Variants in PKD1L1 observed in about 807,000 individuals in gnomAD.
PKD1L1 encodes the protein polycystin 1 like 1, transient receptor potential channel interacting, also known as polycystin-1-like protein 1.
A neutral mutation model predicts 323.4 loss-of-function variants in PKD1L1; 236 were observed. The ratio of observed to expected loss-of-function variants is 0.73; its 90% CI spans 0.66 to 0.81. The LOEUF (loss-of-function observed/expected upper bound fraction) is 0.81. PKD1L1 is among the 40% of genes least tolerant of loss of function. The probability of loss-of-function intolerance (pLI) is 0.00; values close to 1 mark genes in which losing one functional copy is unlikely to be tolerated. For missense variants in PKD1L1, 3,320 were observed against 3,508.0 expected (o/e 0.95, Z 1.35); for synonymous variants, 1,344 against 1,335.0 (o/e 1.01, Z -0.15).
intron 19 of PKD1L1, among the ~76,000 whole-genome samples, chr7:47,884,034 T>C (rs1461005267): frequency 6.6e-6 from 1 of 152,178 alleles, no homozygotes; most frequent in African/African-American, 2.4e-5. Flanking sequence ...GAACATAGCA[T>C]AAGCTGGCCA....
chr7:47,959,121 G>C, the PKD1L1 span, among the ~76,000 whole-genome samples: 1 of 152,246 alleles, frequency 6.6e-6, no homozygotes, highest in African/African-American at 2.4e-5. Context: ...GGTTCACTCA[G>C]TGCTCAATGG....
chr7:47,871,652 T>C (rs1329866761), intron 24 of PKD1L1, among the ~76,000 whole-genome samples: 3 of 152,042 alleles, frequency 2.0e-5, no homozygotes, highest in Non-Finnish European at 4.4e-5. Flanking sequence ...AACAAATTAA[T>C]GGACTAAGGG....
In PKD1L1 at chr7:47,854,941, CTG is replaced by C. The variant is rs780278874; in HGVS notation, c.4798_4799del (p.Gln1600AspfsTer4). The stretch of plus-strand genomic sequence containing the variant: ...CAGGTTTGGAAAATTCAATTTCTAT[CTG>C]TAGAGATTCCTGGGGGTTTTCGGAA... ...ELSENPQESL[Q>X]IEIEFSKPVT... is the part of the protein sequence containing the mutation. On this transcript the variant is annotated frameshift_variant, in exon 30 of 57. Coordinates refer to ENST00000289672, the MANE Select transcript of PKD1L1 (RefSeq NM_138295.5). LOFTEE classifies it high-confidence loss of function. The C allele has an allele frequency of 3.7e-5, 59 of 1,614,070 alleles. No individual in the cohort carries two copies. The highest frequency in any genetic ancestry group is 4.7e-5 in the Non-Finnish European group (56 of 1,179,992).
intron 15 of PKD1L1, 54 bp downstream of exon 15, chr7:47,893,824 T>G: frequency 6.4e-7 from 1 of 1,552,268 alleles, no homozygotes; most frequent in Non-Finnish European, 8.8e-7. Context: ...AGCCTGCATT[T>G]GCAGAATGCG....
the PKD1L1 span, among the ~76,000 whole-genome samples, chr7:47,960,838 T>C: frequency 6.7e-6 from 1 of 150,198 alleles, no homozygotes; most frequent in Non-Finnish European, 1.5e-5. Flanking sequence ...ATCACCTCAG[T>C]CACCTCATAC....
intron 8 of PKD1L1, among the ~76,000 whole-genome samples, chr7:47,912,888 G>A (rs894347212): frequency 4.0e-4 from 61 of 151,530 alleles, no homozygotes; most frequent in Non-Finnish European, 6.8e-4. Flanking sequence ...AATCAATGAC[G>A]GGGAAAAAAG....
At chr7:47,903,459 A>T (rs2128750818) in intron 12 of PKD1L1, among the ~76,000 whole-genome samples, 1 of 152,340 alleles carries the variant, frequency 6.6e-6, no homozygotes, top group Admixed American at 6.5e-5. Context: ...TCAATTGAGC[A>T]TGCACCAATC....
chr7:47,900,974 GT>G, intron 13 of PKD1L1, among the ~76,000 whole-genome samples: 1 of 152,062 alleles, frequency 6.6e-6, no homozygotes, highest in Admixed American at 6.5e-5. Flanking sequence ...TTAGACAAAA[GT>G]GGCTATCACC....
Position 47,855,875 on chromosome 7 carries a change from CAAAAAAAAAAAAAAA to C in PKD1L1, c.4591-625_4591-611del, listed in dbSNP as rs536157879. Among the ~76,000 whole-genome samples, 2 of 32,548 alleles carry C rather than the reference CAAAAAAAAAAAAAAA, an allele frequency of 6.1e-5. 1 individual carries two copies. The highest frequency in any genetic ancestry group is 9.1e-5 in the Non-Finnish European group (2 of 21,924). The allele number at this position is 32,548 out of a possible 152,430, so 21.4% of individuals were successfully genotyped here. A position where few individuals can be genotyped will look rare whatever the true frequency, so the allele number is the denominator to read the frequency against. On this transcript the variant is annotated intron_variant, in intron 28 of 56. Coordinates refer to ENST00000289672, the MANE Select transcript of PKD1L1 (RefSeq NM_138295.5). ...TGGGCGACAGAGCGAGACTCCGTCT[CAAAAAAAAAAAAAAA>C]AAAAAAAAAAGAAAAGTATATGCAA... is the stretch of plus-strand genomic sequence containing the variant.
chr7:47,928,345 G>A (rs1787693761), intron 7 of PKD1L1, among the ~76,000 whole-genome samples: 1 of 152,334 alleles, frequency 6.6e-6, no homozygotes, highest in Non-Finnish European at 1.5e-5. Context: ...CAGGCAGGCA[G>A]ATCACTTGAG....
intron 14 of PKD1L1, among the ~76,000 whole-genome samples, chr7:47,896,881 TCACCTTCACTAA>T (rs1224210772): frequency 6.6e-6 from 1 of 152,164 alleles, no homozygotes; most frequent in Non-Finnish European, 1.5e-5. Context: ...TAATGACTTC[TCACCTTCACTAA>T]CACTCTCCCA....
At chr7:47,899,879 C>T (rs1787044803) in intron 13 of PKD1L1, among the ~76,000 whole-genome samples, 1 of 147,822 alleles carries the variant, frequency 6.8e-6, no homozygotes, top group Non-Finnish European at 1.5e-5. Flanking sequence ...TGGTGTGAAC[C>T]CGGGAGGCGG....
At chr7:47,935,529 T>C (rs1347869673) in intron 4 of PKD1L1, among the ~76,000 whole-genome samples, 1 of 152,252 alleles carries the variant, frequency 6.6e-6, no homozygotes, top group Non-Finnish European at 1.5e-5. Context: ...TCCCCAATAC[T>C]GCTGTCAGCA....
chr7:47,842,285 C>T (rs1785577992), intron 34 of PKD1L1, among the ~76,000 whole-genome samples: 1 of 152,144 alleles, frequency 6.6e-6, no homozygotes, highest in Non-Finnish European at 1.5e-5. Context: ...CCCATCTATC[C>T]TACTGCACTG....
At chr7:47,934,132 TACTG>T (rs1409539752) in intron 4 of PKD1L1, among the ~76,000 whole-genome samples, 6 of 152,232 alleles carry the variant, frequency 3.9e-5, no homozygotes, top group African/African-American at 1.2e-4. Context: ...TGGTTTGCAA[TACTG>T]ACTGACTTAT....
chr7:47,839,983 G>A lies in PKD1L1; in HGVS notation c.5553-321C>T, dbSNP rs1214200710. The stretch of plus-strand genomic sequence containing the variant: ...AGTTAACCTTTTCTCTCTTAATGAA[G>A]ACATAATACTCCAAACCTATAAATA... On this transcript the variant is annotated intron_variant, in intron 35 of 56. Coordinates refer to ENST00000289672, the MANE Select transcript of PKD1L1 (RefSeq NM_138295.5). This position sits in a 1 kb window ranked among gnomAD's most constrained non-coding sequence, Gnocchi z 4.3. Among the ~76,000 whole-genome samples the A allele has an allele frequency of 6.6e-6, 1 of 152,150 alleles. No individual in the cohort carries two copies. Among genetic ancestry groups the A allele is most frequent in the Non-Finnish European group, 1.5e-5 (1 of 68,032 alleles).
intron 37 of PKD1L1, among the ~76,000 whole-genome samples, chr7:47,836,361 G>A (rs1032267637): frequency 4.6e-5 from 7 of 152,136 alleles, no homozygotes; most frequent in East Asian, 1.9e-4. Context: ...TGATGTTGTC[G>A]TAGTAAACAA....
At chr7:47,936,520 C>A (rs1268111855) in intron 4 of PKD1L1, among the ~76,000 whole-genome samples, 1 of 152,120 alleles carries the variant, frequency 6.6e-6, no homozygotes, top group Non-Finnish European at 1.5e-5. Context: ...ATGAAATAAC[C>A]AATTACCATC....
Position 47,843,083 on chromosome 7 carries a change from T to A in PKD1L1, c.5324A>T (p.Asp1775Val). ...GFLVAKSRQVDHHEKKKAGYI... is the reference protein window; with the variant it reads ...GFLVAKSRQVVHHEKKKAGYI... ...ACCAGCTTTCTTTTTTTCATGATGA[T>A]CTACTTGTCTACTTTTAGCGACCAA... The change falls in exon 34 of 57, where the codon GAT becomes GTT. Residue 1775 changes from aspartate (D) to valine (V), a missense_variant. Asp to Val is a radical substitution (Grantham distance 152). Coordinates refer to ENST00000289672, the MANE Select transcript of PKD1L1 (RefSeq NM_138295.5). 1 of 1,613,804 alleles carries A rather than the reference T, an allele frequency of 6.2e-7. No individual in the cohort carries two copies. Among genetic ancestry groups the A allele is most frequent in the Non-Finnish European group, 8.5e-7 (1 of 1,179,856 alleles).
Sources: gnomAD v4.1 joint callset for allele counts (sites outside exome capture counted in the v4.1 genomes callset) on GRCh38, gnomAD v4.1.1 for gene constraint, Gnocchi (gnomAD v3.1) non-coding constraint, MANE v1.5 for transcripts, NCBI Gene and HGNC (gene_info 2026-07-23, HGNC 2026-07-21) for gene names.